The following BMP7 variants were observed in gnomAD, a reference collection of about 807,000 sequenced individuals.
BMP7 encodes osteogenic protein 1.
In BMP7, 12 loss-of-function variants were observed where a neutral mutation model predicts 41.2. The observed-to-expected ratio is 0.29, with a 90% confidence interval of 0.19 to 0.47. The LOEUF is 0.47. Among genes scored for constraint, BMP7 ranks in the 20% least tolerant of loss-of-function variants. BMP7 has a pLI of 0.99. For missense variants in BMP7, 467 were observed against 606.0 expected, an observed-to-expected ratio of 0.77 and a Z score of 2.41; for synonymous variants, 248 against 250.0, an observed-to-expected ratio of 0.99 and a Z score of 0.07.
At position 57,228,202 on chromosome 20, in the gene BMP7, T is replaced by G; in HGVS notation, c.611+27A>C. ...CTGCCCCCAGAGGAAACTCAGCACC[T>G]CTCCCAGATACCCGTATAGCACCCA... On this transcript the variant is annotated intron_variant, in intron 2 of 6. Coordinates refer to ENST00000395863, the MANE Select transcript of BMP7 (RefSeq NM_001719.3). The surrounding 1 kb of genome is among the most constrained non-coding windows in gnomAD (Gnocchi z 4.5). 1 of 1,610,564 alleles carries G rather than the reference T, an allele frequency of 6.2e-7. No homozygotes were observed. Among genetic ancestry groups the G allele is most frequent in the Non-Finnish European group, 8.5e-7 (1 of 1,178,438 alleles).
chr20:57,245,699 C>T (rs542588474), intron 1 of BMP7, among the ~76,000 whole-genome samples: 27 of 140,664 alleles, frequency 1.9e-4, no homozygotes, highest in African/African-American at 6.0e-4. Flanking sequence ...AGTGCAGTGG[C>T]GTGATCTCGG....
At chr20:57,219,905 C>A (rs1015029796) in intron 2 of BMP7, among the ~76,000 whole-genome samples, 1 of 152,200 alleles carries the variant, frequency 6.6e-6, no homozygotes, top group African/African-American at 2.4e-5. Flanking sequence ...AGAAACCTGA[C>A]CTGAAACCAG....
intron 1 of BMP7, among the ~76,000 whole-genome samples, chr20:57,263,077 G>C (rs1410082682): frequency 6.6e-6 from 1 of 152,240 alleles, no homozygotes; most frequent in African/African-American, 2.4e-5. Flanking sequence ...GCATCTACAG[G>C]AAGTGTCTCG....
chr20:57,258,691 T>C (rs1168782975), intron 1 of BMP7, among the ~76,000 whole-genome samples: 1 of 152,202 alleles, frequency 6.6e-6, no homozygotes, highest in Non-Finnish European at 1.5e-5. Context: ...TTAGACTCTA[T>C]TCATCCTCAA....
At chr20:57,252,099 C>G (rs1296737136) in intron 1 of BMP7, among the ~76,000 whole-genome samples, 2 of 152,204 alleles carry the variant, frequency 1.3e-5, no homozygotes, top group Admixed American at 1.3e-4. Context: ...AACTGCTCAA[C>G]CCTGTCGCAG....
At chr20:57,252,100 C>G (rs1486216763) in intron 1 of BMP7, among the ~76,000 whole-genome samples, 4 of 152,176 alleles carry the variant, frequency 2.6e-5, no homozygotes, top group African/African-American at 4.8e-5. Flanking sequence ...ACTGCTCAAC[C>G]CTGTCGCAGC....
intron 1 of BMP7, among the ~76,000 whole-genome samples, chr20:57,260,213 T>C (rs1373708151): frequency 6.6e-6 from 1 of 152,208 alleles, no homozygotes; most frequent in African/African-American, 2.4e-5. Context: ...TTCGCAATTT[T>C]GTAAGAATGC....
At chr20:57,184,004 C>G in intron 3 of BMP7, 85 bp from the exon 4 acceptor site, 6 of 1,455,484 alleles carry the variant, frequency 4.1e-6, no homozygotes, top group Non-Finnish European at 5.6e-6. Context: ...CTATGCCTCC[C>G]GGTTCATTCA....
At chr20:57,179,145 T>G (rs1984008630) in intron 4 of BMP7, among the ~76,000 whole-genome samples, 1 of 152,218 alleles carries the variant, frequency 6.6e-6, no homozygotes, top group Admixed American at 6.5e-5. Flanking sequence ...CAGGGCTCTT[T>G]GATCACGGCT....
At chr20:57,248,031 G>C (rs892075627) in intron 1 of BMP7, among the ~76,000 whole-genome samples, 1 of 152,264 alleles carries the variant, frequency 6.6e-6, no homozygotes, top group Non-Finnish European at 1.5e-5. Context: ...GTAGGTTTGA[G>C]TTTAAAGAAT....
At chr20:57,238,609 C>T (rs2066056521) in intron 1 of BMP7, among the ~76,000 whole-genome samples, 1 of 152,140 alleles carries the variant, frequency 6.6e-6, no homozygotes, top group Non-Finnish European at 1.5e-5. Flanking sequence ...ATGTCCACCA[C>T]CATTGTGATT....
At chr20:57,230,679 ACTT>A (rs1340305175) in intron 1 of BMP7, among the ~76,000 whole-genome samples, 2 of 115,034 alleles carry the variant, frequency 1.7e-5, no homozygotes, top group African/African-American at 5.7e-5. Context: ...TGTTTGTAGA[ACTT>A]TTTTTTTTTT....
intron 2 of BMP7, among the ~76,000 whole-genome samples, chr20:57,212,340 G>A (rs989108382): frequency 6.6e-6 from 1 of 152,248 alleles, no homozygotes; most frequent in African/African-American, 2.4e-5. Context: ...AGAGGGCACA[G>A]GTGCACGATG....
In BMP7 at chr20:57,215,317, G is replaced by A. The variant is rs966241964; in HGVS notation, c.612-12694C>T. ...CATTTACTGTCCCCATCACCTCTTC[G>A]GAGCCACCTCCTTTCCCCACATCAG... On this transcript the variant is annotated intron_variant, in intron 2 of 6. Transcript: ENST00000395863. This position sits in a 1 kb window ranked among gnomAD's most constrained non-coding sequence, Gnocchi z 4.2. 6.6e-5 allele frequency among the ~76,000 whole-genome samples: 10 copies of A among 152,128 alleles called. No homozygotes were observed. The highest frequency in any genetic ancestry group is 1.9e-4 in the African/African-American group (8 of 41,424).
chr20:57,170,798 C>T lies in BMP7; in HGVS notation c.*161G>A. On this transcript the variant is annotated 3_prime_UTR_variant, in exon 7 of 7. Coordinates refer to ENST00000395863, the MANE Select transcript of BMP7 (RefSeq NM_001719.3). ...CTGCCACTGAAAAACTGATCAAAAG[C>T]CATATGCTGCTCATGTTTCCTAATA... 1.1e-6 allele frequency: 1 copy of T among 914,376 alleles called. No individual in the cohort carries two copies. Among genetic ancestry groups the T allele is most frequent in the South Asian group, 1.4e-5 (1 of 69,040 alleles). The allele number at this position is 914,376 out of a possible 1,614,324, so 56.6% of individuals were successfully genotyped here. A position where few individuals can be genotyped will look rare whatever the true frequency, so the allele number is the denominator to read the frequency against.
chr20:57,239,202 G>A (rs1399074604), intron 1 of BMP7, among the ~76,000 whole-genome samples: 2 of 152,208 alleles, frequency 1.3e-5, no homozygotes, highest in African/African-American at 2.4e-5. Flanking sequence ...TACAATGGAG[G>A]TACAGGTATC....
chr20:57,199,088 A>T (rs1303299979), intron 3 of BMP7, among the ~76,000 whole-genome samples: 1 of 152,074 alleles, frequency 6.6e-6, no homozygotes, highest in Non-Finnish European at 1.5e-5. Context: ...ATATCCTCTG[A>T]GTTAATATCA....
At chr20:57,191,753 CTATAATA>C (rs1398763656) in intron 3 of BMP7, among the ~76,000 whole-genome samples, 21 of 139,592 alleles carry the variant, frequency 1.5e-4, no homozygotes, top group Non-Finnish European at 2.4e-4. Flanking sequence ...ATAATATATA[CTATAATA>C]TATAATATAT....
chr20:57,184,918 G>A (rs1984176485), intron 3 of BMP7, among the ~76,000 whole-genome samples: 1 of 152,218 alleles, frequency 6.6e-6, no homozygotes, highest in East Asian at 1.9e-4. Context: ...CAGACTGTGA[G>A]ACAATAAAGC....
Sources: allele counts gnomAD v4.1 joint callset (sites outside exome capture counted in the v4.1 genomes callset), GRCh38; gene constraint gnomAD v4.1.1; non-coding constraint Gnocchi (gnomAD v3.1); transcripts MANE v1.5; gene names NCBI Gene and HGNC (gene_info 2026-07-23, HGNC 2026-07-21).